The following EXOSC4 variants were observed in gnomAD, a reference collection of about 807,000 sequenced individuals.
EXOSC4 encodes exosome complex component RRP41.
A neutral mutation model predicts 20.0 loss-of-function variants in EXOSC4; 14 were observed. The observed-to-expected ratio is 0.70, with a 90% CI of 0.46 to 1.09. The LOEUF (loss-of-function observed/expected upper bound fraction) is 1.09. Ranked by LOEUF, EXOSC4 falls within the 50% of genes least tolerant of loss-of-function variation. The pLI, the probability that EXOSC4 is intolerant of heterozygous loss-of-function variation, is 0.00. For synonymous variants in EXOSC4, 148 were observed against 146.4 expected (o/e 1.01, Z -0.08); for missense variants, 337 against 334.0 (o/e 1.01, Z -0.07).
At chr8:144,074,894 C>G (rs1554762561), upstream of EXOSC4, among the ~76,000 whole-genome samples, 2 of 152,060 alleles carry the variant, frequency 1.3e-5, no homozygotes, top group African/African-American at 4.8e-5. Context: ...TGTTATGGCT[C>G]ATATGTGGAA....
chr8:144,074,970 A>G (rs1037636264), upstream of EXOSC4, among the ~76,000 whole-genome samples: 16 of 152,356 alleles, frequency 1.1e-4, no homozygotes, highest in African/African-American at 3.6e-4. Flanking sequence ...TACCCAAAGG[A>G]GCTTTTACCT....
chr8:144,077,954 T>C (rs1835851425), upstream of EXOSC4: 1 of 152,184 alleles, frequency 6.6e-6, no homozygotes, highest in Non-Finnish European at 1.5e-5. Context: ...AGATCCTAAG[T>C]GCAAACTATC....
chr8:144,072,050 G>C, the EXOSC4 span, among the ~76,000 whole-genome samples: 3 of 152,226 alleles, frequency 2.0e-5, no homozygotes, highest in Non-Finnish European at 2.9e-5. Context: ...TACATGCACA[G>C]AAAGTGTAAA....
the EXOSC4 span, among the ~76,000 whole-genome samples, chr8:144,072,465 G>A: frequency 6.6e-6 from 1 of 152,090 alleles, no homozygotes; most frequent in African/African-American, 2.4e-5. Context: ...ACAGGTGTGA[G>A]CCACCGCGCC....
upstream of EXOSC4, among the ~76,000 whole-genome samples, chr8:144,076,099 T>C (rs1166270461): frequency 1.3e-5 from 2 of 152,056 alleles, no homozygotes; most frequent in Non-Finnish European, 2.9e-5. Context: ...CTTCTAGGGG[T>C]CTGGAATTTG....
At chr8:144,074,058 G>A (rs1206179780), upstream of EXOSC4, among the ~76,000 whole-genome samples, 2 of 152,188 alleles carry the variant, frequency 1.3e-5, no homozygotes, top group African/African-American at 4.8e-5. Context: ...CTGCTGTAAG[G>A]AGTTGGCGCT....
the EXOSC4 span, among the ~76,000 whole-genome samples, chr8:144,069,710 C>T: frequency 6.6e-6 from 1 of 152,214 alleles, no homozygotes; most frequent in Non-Finnish European, 1.5e-5. Context: ...TGTTATTTAG[C>T]CACCACGCTT....
chr8:144,070,392 C>T, the EXOSC4 span, among the ~76,000 whole-genome samples: 3 of 151,768 alleles, frequency 2.0e-5, no homozygotes, highest in Non-Finnish European at 2.9e-5. Context: ...GGTGTGGTGG[C>T]GGGTGCCTGT....
chr8:144,068,363 A>G, the EXOSC4 span, among the ~76,000 whole-genome samples: 3 of 152,200 alleles, frequency 2.0e-5, no homozygotes, highest in Non-Finnish European at 2.9e-5. Flanking sequence ...TATGAGAAAT[A>G]AAGCTCTCCT....
chr8:144,070,184 G>T, the EXOSC4 span, among the ~76,000 whole-genome samples: 1 of 152,174 alleles, frequency 6.6e-6, no homozygotes, highest in East Asian at 1.9e-4. Flanking sequence ...CAGCTGTTGA[G>T]TCACAGAATG....
chr8:144,074,834 A>G (rs914711841), upstream of EXOSC4, among the ~76,000 whole-genome samples: 31 of 151,642 alleles, frequency 2.0e-4, no homozygotes, highest in African/African-American at 6.8e-4. Context: ...TCAGCTTCCC[A>G]AAGTGTTGGA....
the EXOSC4 span, among the ~76,000 whole-genome samples, chr8:144,065,073 C>T: frequency 1.3e-5 from 2 of 152,012 alleles, no homozygotes; most frequent in African/African-American, 2.4e-5. Context: ...TCTCAATTTC[C>T]TGACCTCGTG....
chr8:144,079,578 G>A, intron 1 of EXOSC4: 1 of 385,806 alleles, frequency 2.6e-6, no homozygotes, highest in Non-Finnish European at 5.0e-6. Flanking sequence ...GAGGGTTCCC[G>A]GGGAGGTGAG....
At chr8:144,076,963 T>C (rs1835841091), upstream of EXOSC4, among the ~76,000 whole-genome samples, 1 of 151,112 alleles carries the variant, frequency 6.6e-6, no homozygotes, top group African/African-American at 2.4e-5. Flanking sequence ...CCCAGCTACC[T>C]GGGAGGCTGA....
At chr8:144,068,417 C>T in the EXOSC4 span, among the ~76,000 whole-genome samples, 1 of 152,344 alleles carries the variant, frequency 6.6e-6, no homozygotes, top group East Asian at 1.9e-4. Context: ...GACACCACCA[C>T]CATGGCTGCC....
rs1835888808 is a variant in EXOSC4 at position 144,080,422 on chromosome 8, C to T, written c.559C>T (p.Leu187=). Residue 187 remains leucine (L), a synonymous_variant, in exon 3 of 3, where the codon CTG becomes TTG. Coordinates refer to ENST00000316052, the MANE Select transcript of EXOSC4 (RefSeq NM_019037.3). The surrounding 1 kb of genome is among the most constrained non-coding windows in gnomAD (Gnocchi z 4.9). The part of the protein sequence containing the change: ...EEAAGGPQLA[L]ALLPASGQIA... ...AGCAGCTGGTGGCCCCCAGCTGGCC[C>T]TGGCCCTGCTGCCAGCCTCAGGACA... is the stretch of plus-strand genomic sequence containing the variant. 6.2e-7 allele frequency: 1 copy of T among 1,610,562 alleles called. No homozygotes were observed. Among genetic ancestry groups the T allele is most frequent in the Non-Finnish European group, 8.5e-7 (1 of 1,180,000 alleles).
chr8:144,068,200 C>T, the EXOSC4 span, among the ~76,000 whole-genome samples: 1 of 152,176 alleles, frequency 6.6e-6, no homozygotes. Context: ...CATGACTCCT[C>T]TTATAGCTCA....
chr8:144,077,370 G>T (rs1835845621), upstream of EXOSC4, among the ~76,000 whole-genome samples: 1 of 152,256 alleles, frequency 6.6e-6, no homozygotes. Flanking sequence ...AGAGCAGAGG[G>T]TGGGGAATCC....
chr8:144,070,160 CT>C, the EXOSC4 span, among the ~76,000 whole-genome samples: 1 of 152,090 alleles, frequency 6.6e-6, no homozygotes, highest in Admixed American at 6.6e-5. Flanking sequence ...TTCAAACCTG[CT>C]GGAAAAAAAC....
Sources: gnomAD v4.1 joint callset for allele counts (sites outside exome capture counted in the v4.1 genomes callset) on GRCh38, gnomAD v4.1.1 for gene constraint, Gnocchi (gnomAD v3.1) non-coding constraint, MANE v1.5 for transcripts, NCBI Gene and HGNC (gene_info 2026-07-23, HGNC 2026-07-21) for gene names.